MACROD2: variants seen among roughly 807,000 people sequenced by gnomAD.
MACROD2 encodes ADP-ribose glycohydrolase MACROD2.
A neutral mutation model predicts 70.4 loss-of-function variants in MACROD2; 36 were observed. The ratio of observed to expected loss-of-function variants is 0.51; its 90% CI spans 0.39 to 0.68. MACROD2 has a LOEUF of 0.68. Among genes scored for constraint, MACROD2 ranks in the 30% least tolerant of loss-of-function variants. MACROD2 has a pLI of 0.00. For missense variants in MACROD2, 496 were observed against 538.4 expected, an observed-to-expected ratio of 0.92 and a Z score of 0.78; for synonymous variants, 172 against 178.8, an observed-to-expected ratio of 0.96 and a Z score of 0.30.
At chr20:15,687,731 C>T (rs1035647883) in intron 8 of MACROD2, among the ~76,000 whole-genome samples, 1 of 152,130 alleles carries the variant, frequency 6.6e-6, no homozygotes, top group Admixed American at 6.5e-5. Context: ...TTGCCCTGGA[C>T]TCACTGGGAA....
In MACROD2 at chr20:14,755,162, CT is replaced by C. The variant is rs1366242980; in HGVS notation, c.418+70204del. On this transcript the variant is annotated intron_variant, in intron 5 of 17. Transcript: ENST00000684519. The stretch of plus-strand genomic sequence containing the variant: ...GGTGGAGAAACCAGAGTGATGTGTG[CT>C]GGAGCCAATACTCCATCAGAGTGGG... Among the ~76,000 whole-genome samples the C allele has an allele frequency of 2.0e-5, 3 of 152,102 alleles. No individual in the cohort carries two copies. The East Asian group carries it at 5.8e-4, about 29-fold the overall frequency.
intron 3 of MACROD2, among the ~76,000 whole-genome samples, chr20:14,416,525 G>A (rs1012900663): frequency 1.3e-5 from 2 of 152,094 alleles, no homozygotes; most frequent in Admixed American, 1.3e-4. Context: ...GAAAATAAGG[G>A]ATGAAACCAT....
chr20:15,168,465 G>GTGTGTA (rs2076401253), intron 5 of MACROD2, among the ~76,000 whole-genome samples: 1 of 151,104 alleles, frequency 6.6e-6, no homozygotes, highest in African/African-American at 2.4e-5. Flanking sequence ...GTGTGTGTGT[G>GTGTGTA]TGTGTGTGTG....
intron 15 of MACROD2, among the ~76,000 whole-genome samples, chr20:16,035,085 AAT>A (rs1351705947): frequency 2.5e-5 from 1 of 39,426 alleles, no homozygotes; most frequent in Non-Finnish European, 8.2e-5. Context: ...TATAATATGT[AAT>A]ATAAAATATT....
At chr20:15,753,128 A>G (rs1020111709) in intron 8 of MACROD2, among the ~76,000 whole-genome samples, 1 of 152,016 alleles carries the variant, frequency 6.6e-6, no homozygotes, top group Non-Finnish European at 1.5e-5. Context: ...TTTTAAATAT[A>G]TTTTCAACTT....
chr20:14,642,188 C>T (rs1985132542), intron 4 of MACROD2, among the ~76,000 whole-genome samples: 1 of 152,188 alleles, frequency 6.6e-6, no homozygotes, highest in Non-Finnish European at 1.5e-5. Flanking sequence ...CCTCTGCTAG[C>T]TTCCAACTTT....
intron 2 of MACROD2, among the ~76,000 whole-genome samples, chr20:14,063,887 C>T (rs116108722): frequency 0.013 from 1,934 of 152,066 alleles, 44 homozygotes; most frequent in African/African-American, 0.043. Context: ...CCACCACACC[C>T]GGCTAATTTT....
At chr20:14,400,477 A>G (rs1405848222) in intron 3 of MACROD2, among the ~76,000 whole-genome samples, 1 of 152,220 alleles carries the variant, frequency 6.6e-6, no homozygotes, top group Non-Finnish European at 1.5e-5. Context: ...TGAAAATACA[A>G]GGGGATACTG....
At chr20:16,009,554 C>T (rs779386994) in intron 15 of MACROD2, among the ~76,000 whole-genome samples, 4 of 152,034 alleles carry the variant, frequency 2.6e-5, no homozygotes, top group South Asian at 2.1e-4. Flanking sequence ...GTCAGGAGTT[C>T]GAGACCAACA....
At chr20:15,087,069 A>G (rs2075754330) in intron 5 of MACROD2, among the ~76,000 whole-genome samples, 2 of 151,986 alleles carry the variant, frequency 1.3e-5, no homozygotes. Context: ...CTATACCAAT[A>G]CCTATCATCT....
chr20:15,466,906 C>A (rs1676683762), intron 7 of MACROD2, among the ~76,000 whole-genome samples: 1 of 152,150 alleles, frequency 6.6e-6, no homozygotes, highest in Non-Finnish European at 1.5e-5. Context: ...GAGGAACATT[C>A]CTTAGAGGCC....
chr20:15,030,318 G>T (rs1443921638), intron 5 of MACROD2, among the ~76,000 whole-genome samples: 1 of 152,118 alleles, frequency 6.6e-6, no homozygotes, highest in African/African-American at 2.4e-5. Flanking sequence ...TTAAAAATTA[G>T]CTGGGCATAG....
intron 3 of MACROD2, among the ~76,000 whole-genome samples, chr20:14,282,069 A>G (rs187761101): frequency 2.0e-4 from 30 of 152,204 alleles, no homozygotes; most frequent in Admixed American, 9.2e-4. Flanking sequence ...CATTTTCTAC[A>G]TACCTTTTTG....
intron 3 of MACROD2, among the ~76,000 whole-genome samples, chr20:14,278,443 T>A (rs1488958301): frequency 6.6e-6 from 1 of 152,202 alleles, no homozygotes; most frequent in African/African-American, 2.4e-5. Context: ...AATTAATTGC[T>A]GTGAGTAGCC....
intron 7 of MACROD2, among the ~76,000 whole-genome samples, chr20:15,465,452 G>A (rs1197146705): frequency 6.6e-6 from 1 of 152,268 alleles, no homozygotes; most frequent in Non-Finnish European, 1.5e-5. Flanking sequence ...GCTTCAGCAA[G>A]GTTCTGGCCC....
chr20:14,765,790 G>T lies in MACROD2; in HGVS notation c.418+80831G>T, dbSNP rs915709558. On this transcript the variant is annotated intron_variant, in intron 5 of 17. Coordinates refer to ENST00000684519, the MANE Select transcript of MACROD2 (RefSeq NM_001351661.2). ...GTCTGAGTCCACATGAAAACACCAT[G>T]GCTCCTTCCCATTGTCACTATTGCG... Among the ~76,000 whole-genome samples, 3 of 152,144 alleles carry T rather than the reference G, an allele frequency of 2.0e-5. No homozygotes were observed. In the East Asian group the frequency reaches 5.8e-4, roughly 29 times the overall value.
At chr20:14,865,773 T>G (rs6079585) in intron 5 of MACROD2, among the ~76,000 whole-genome samples, 37,300 of 152,012 alleles carry the variant, frequency 0.25, 5,047 homozygotes, top group African/African-American at 0.35. Flanking sequence ...AAATAAAGCT[T>G]CTTTTGCCAG....
chr20:15,427,834 A>G (rs957769511), intron 6 of MACROD2, among the ~76,000 whole-genome samples: 2 of 152,156 alleles, frequency 1.3e-5, no homozygotes, highest in African/African-American at 4.8e-5. Flanking sequence ...TCCTAGACTC[A>G]AGGTCAGTGA....
intron 15 of MACROD2, among the ~76,000 whole-genome samples, chr20:15,994,582 A>T (rs1214273489): frequency 2.0e-5 from 3 of 152,184 alleles, no homozygotes; most frequent in Non-Finnish European, 2.9e-5. Context: ...ATTACACAAT[A>T]TTGTCCTCTG....
Sources: gnomAD v4.1 joint callset for allele counts (sites outside exome capture counted in the v4.1 genomes callset) on GRCh38, gnomAD v4.1.1 for gene constraint, MANE v1.5 for transcripts, NCBI Gene and HGNC (gene_info 2026-07-23, HGNC 2026-07-21) for gene names.